Variants in TMEM132D observed in about 807,000 individuals in gnomAD.
The protein encoded by TMEM132D is mature OL transmembrane protein.
TMEM132D carries 21 observed loss-of-function variants against 62.3 expected under a neutral mutation model. The ratio of observed to expected loss-of-function variants is 0.34; its 90% confidence interval spans 0.24 to 0.49. The LOEUF is 0.49. Ranked by LOEUF, TMEM132D falls within the 20% of genes least tolerant of loss-of-function variation. TMEM132D has a pLI of 0.99. For missense variants in TMEM132D, 1,346 were observed against 1,402.8 expected, an observed-to-expected ratio of 0.96 and a Z score of 0.65; for synonymous variants, 621 against 575.6, an observed-to-expected ratio of 1.08 and a Z score of -1.13.
chr12:129,784,400 TA>T (rs1239925471), intron 1 of TMEM132D, among the ~76,000 whole-genome samples: 5 of 151,474 alleles, frequency 3.3e-5, no homozygotes, highest in Admixed American at 1.3e-4. Flanking sequence ...ATTTTTAAAA[TA>T]TTTTTTTTTC....
chr12:129,665,691 T>A (rs1445282023), intron 2 of TMEM132D, among the ~76,000 whole-genome samples: 2 of 152,184 alleles, frequency 1.3e-5, no homozygotes, highest in Non-Finnish European at 2.9e-5. Context: ...AGACTTGCTA[T>A]GTCACCTTTT....
At chr12:129,468,191 G>GTT (rs1282325027) in intron 3 of TMEM132D, among the ~76,000 whole-genome samples, 9 of 151,756 alleles carry the variant, frequency 5.9e-5, no homozygotes. Context: ...AGCTTTGTGT[G>GTT]TGTGTGTGTG....
chr12:129,384,944 A>C (rs1871063654), intron 3 of TMEM132D, among the ~76,000 whole-genome samples: 2 of 152,118 alleles, frequency 1.3e-5, no homozygotes, highest in Admixed American at 6.6e-5. Context: ...CCATCAGCCC[A>C]CCTGCAACAG....
intron 2 of TMEM132D, among the ~76,000 whole-genome samples, chr12:129,577,550 A>G (rs1188232899): frequency 1.3e-5 from 2 of 151,658 alleles, no homozygotes; most frequent in African/African-American, 4.9e-5. Context: ...GTTTTGATAA[A>G]TGTTGACTTT....
chr12:129,450,443 C>T (rs1873238869), intron 3 of TMEM132D, among the ~76,000 whole-genome samples: 1 of 152,122 alleles, frequency 6.6e-6, no homozygotes, highest in African/African-American at 2.4e-5. Context: ...TACTTGCACC[C>T]CTGAACTTAA....
At chr12:129,444,407 T>C (rs547236054) in intron 3 of TMEM132D, among the ~76,000 whole-genome samples, 23 of 152,194 alleles carry the variant, frequency 1.5e-4, no homozygotes, top group African/African-American at 5.5e-4. Flanking sequence ...TAAACAAATT[T>C]AGAAGAAAAA....
intron 3 of TMEM132D, among the ~76,000 whole-genome samples, chr12:129,359,129 A>G (rs914458194): frequency 1.3e-5 from 2 of 152,236 alleles, no homozygotes; most frequent in Admixed American, 1.3e-4. Context: ...AGTACTGCAT[A>G]AGTGAACTTT....
intron 1 of TMEM132D, among the ~76,000 whole-genome samples, chr12:129,735,132 A>G (rs1004608005): frequency 2.0e-5 from 3 of 152,254 alleles, no homozygotes; most frequent in African/African-American, 7.2e-5. Flanking sequence ...AACTGTTTGG[A>G]CACCTCTTAA....
In TMEM132D at chr12:129,786,964, C is replaced by CA. The variant is rs1270126188; in HGVS notation, c.80-86267dup. 5.9e-5 allele frequency among the ~76,000 whole-genome samples: 9 copies of CA among 152,032 alleles called. 1 individual carries two copies. The highest frequency in any genetic ancestry group is 2.2e-4 in the African/African-American group (9 of 41,416). On this transcript the variant is annotated intron_variant, in intron 1 of 8. Coordinates refer to ENST00000422113, the MANE Select transcript of TMEM132D (RefSeq NM_133448.3). ...AGAGAAACAGTGACAGCATGAGCTC[C>CA]AGGGGCATCGGAATGTGACGGGCAA... is the stretch of plus-strand genomic sequence containing the variant.
chr12:129,877,406 A>T (rs1459428088), intron 1 of TMEM132D, among the ~76,000 whole-genome samples: 3 of 152,034 alleles, frequency 2.0e-5, no homozygotes, highest in Admixed American at 6.5e-5. Context: ...GCTGACTCTA[A>T]GGGCCGCTGG....
chr12:129,612,171 C>T (rs377207485), intron 2 of TMEM132D, among the ~76,000 whole-genome samples: 9 of 152,134 alleles, frequency 5.9e-5, no homozygotes, highest in Admixed American at 2.0e-4. Flanking sequence ...ATTTCAATGA[C>T]GGGCCCTGTA....
At chr12:129,433,283 T>C (rs1174807014) in intron 3 of TMEM132D, among the ~76,000 whole-genome samples, 3 of 152,184 alleles carry the variant, frequency 2.0e-5, no homozygotes, top group African/African-American at 4.8e-5. Flanking sequence ...AGAAGTAAAA[T>C]TGCTGAGTAA....
intron 3 of TMEM132D, among the ~76,000 whole-genome samples, chr12:129,515,110 G>T (rs112614815): frequency 6.6e-6 from 1 of 152,100 alleles, no homozygotes. Context: ...TATTTGCTCC[G>T]TAAGCACTGT....
At chr12:129,147,148 CTCTG>C (rs1353033463) in intron 5 of TMEM132D, among the ~76,000 whole-genome samples, 2 of 151,624 alleles carry the variant, frequency 1.3e-5, no homozygotes, top group Admixed American at 1.3e-4. Context: ...TATTCTCTCT[CTCTG>C]TATGAGAGAA....
intron 3 of TMEM132D, among the ~76,000 whole-genome samples, chr12:129,456,808 G>C (rs952991605): frequency 6.6e-6 from 1 of 152,128 alleles, no homozygotes; most frequent in Non-Finnish European, 1.5e-5. Flanking sequence ...TTTCTGGTTG[G>C]TTTCAGCCAG....
At chr12:129,753,667 T>C (rs1349053924) in intron 1 of TMEM132D, among the ~76,000 whole-genome samples, 1 of 152,200 alleles carries the variant, frequency 6.6e-6, no homozygotes, top group Admixed American at 6.5e-5. Context: ...GTACTGGAAA[T>C]GAAACACTTA....
chr12:129,837,297 T>C (rs979547272), intron 1 of TMEM132D, among the ~76,000 whole-genome samples: 2 of 152,212 alleles, frequency 1.3e-5, no homozygotes, highest in Admixed American at 6.5e-5. Context: ...TATTCCCTTT[T>C]CATGGGAAGT....
intron 4 of TMEM132D, among the ~76,000 whole-genome samples, chr12:129,210,749 C>G (rs1335253775): frequency 6.6e-6 from 1 of 152,186 alleles, no homozygotes; most frequent in Admixed American, 6.5e-5. Context: ...TAATGTTTGT[C>G]AAGTGCATAA....
chr12:129,301,443 T>TA (rs371350183), intron 4 of TMEM132D, among the ~76,000 whole-genome samples: 234 of 148,546 alleles, frequency 1.6e-3, no homozygotes, highest in Non-Finnish European at 2.7e-3. Flanking sequence ...TAGCAATGCT[T>TA]AAAAAAAAAA....
Sources: allele counts gnomAD v4.1 joint callset (sites outside exome capture counted in the v4.1 genomes callset), GRCh38; gene constraint gnomAD v4.1.1; transcripts MANE v1.5; gene names NCBI Gene and HGNC (gene_info 2026-07-23, HGNC 2026-07-21).